DIP2A: variants seen among roughly 807,000 people sequenced by gnomAD.
The protein encoded by DIP2A is disco-interacting protein 2 homolog A.
Under a neutral mutation model 177.4 loss-of-function variants are expected in DIP2A, and 85 were observed. The ratio of observed to expected loss-of-function variants is 0.48; its 90% CI spans 0.40 to 0.57. DIP2A has a LOEUF of 0.57. Among genes scored for constraint, DIP2A ranks in the 20% least tolerant of loss-of-function variants. The probability of loss-of-function intolerance (pLI) is 0.00; values close to 1 mark genes in which losing one functional copy is unlikely to be tolerated. For missense variants in DIP2A, 1,791 were observed against 2,100.2 expected (o/e 0.85, Z 2.88); for synonymous variants, 886 against 881.8 (o/e 1.00, Z -0.08).
rs58546395 is a variant in DIP2A, at chr21:46,464,844, T to TTTTTTTTTTTCCC, written c.91+5622_91+5623insTTTTTTTTTTCCC. Among the ~76,000 whole-genome samples, 9 of 111,232 alleles carry TTTTTTTTTTTCCC rather than the reference T, an allele frequency of 8.1e-5. 1 individual carries two copies. Among genetic ancestry groups the TTTTTTTTTTTCCC allele is most frequent in the African/African-American group, 3.3e-4 (8 of 23,996 alleles). 73.0% of individuals were successfully genotyped at this position (111,232 alleles called of 152,430 possible). On this transcript the variant is annotated intron_variant, in intron 1 of 37. Coordinates refer to ENST00000417564, the MANE Select transcript of DIP2A (RefSeq NM_015151.4). The stretch of plus-strand genomic sequence containing the variant: ...TTTTTTTTTTTTTTTTTTTTTTTTT[T>TTTTTTTTTTTCCC]CAAGAAAACACACAACAAATGTCAG...
chr21:46,490,230 C>T (rs542999203), intron 2 of DIP2A, among the ~76,000 whole-genome samples: 2 of 152,290 alleles, frequency 1.3e-5, no homozygotes, highest in South Asian at 2.1e-4. Context: ...ACGAACAGCA[C>T]GGACCATTTC....
At chr21:46,514,642 G>GTTTTTTTTTTTTTTTTTTTTT (rs1159261551) in intron 8 of DIP2A, among the ~76,000 whole-genome samples, 3 of 67,786 alleles carry the variant, frequency 4.4e-5, no homozygotes, top group Non-Finnish European at 2.8e-5. Context: ...TTTTTTTTTG[G>GTTTTTTTTTTTTTTTTTTTTT]TTTTTTTTTT....
intron 26 of DIP2A, 38 bp downstream of exon 26, chr21:46,554,330 G>GTAAGCAGCCTCCTATCC (rs750847635): frequency 6.2e-7 from 1 of 1,610,186 alleles, no homozygotes; most frequent in South Asian, 1.1e-5. Context: ...GCAGCTCTTT[G>GTAAGCAGCCTCCTATCC]TAAGCAGCCT....
At chr21:46,508,636 G>T (rs1292541563) in intron 6 of DIP2A, among the ~76,000 whole-genome samples, 1 of 151,720 alleles carries the variant, frequency 6.6e-6, no homozygotes, top group Non-Finnish European at 1.5e-5. Flanking sequence ...GGGATTACAG[G>T]GCCATGACTT....
the DIP2A span, among the ~76,000 whole-genome samples, chr21:46,581,561 G>A: frequency 2.6e-5 from 4 of 152,140 alleles, no homozygotes; most frequent in East Asian, 7.7e-4. Context: ...TTTTTGCATT[G>A]ATTTTTTTCT....
intron 1 of DIP2A, among the ~76,000 whole-genome samples, chr21:46,482,166 T>A (rs1016466296): frequency 6.6e-6 from 1 of 152,076 alleles, no homozygotes; most frequent in African/African-American, 2.4e-5. Context: ...AGACACAAAT[T>A]ACCAGTCAGG....
intron 1 of DIP2A, among the ~76,000 whole-genome samples, chr21:46,459,559 C>G (rs1240734404): frequency 6.8e-6 from 1 of 147,634 alleles, no homozygotes; most frequent in African/African-American, 2.5e-5. Flanking sequence ...CCCCTCACCC[C>G]CGGAACCCCG....
intron 8 of DIP2A, among the ~76,000 whole-genome samples, chr21:46,528,693 A>T (rs948998984): frequency 4.0e-5 from 6 of 150,784 alleles, no homozygotes; most frequent in Non-Finnish European, 7.4e-5. Flanking sequence ...CACTGAGCTA[A>T]TTTTTTGTAT....
the DIP2A span, among the ~76,000 whole-genome samples, chr21:46,576,115 C>T: frequency 1.3e-5 from 2 of 152,040 alleles, no homozygotes; most frequent in African/African-American, 4.8e-5. Context: ...GCAAGTGACC[C>T]CCGATGGCAA....
intron 1 of DIP2A, among the ~76,000 whole-genome samples, chr21:46,460,950 T>C (rs1353232430): frequency 6.6e-6 from 1 of 151,670 alleles, no homozygotes; most frequent in Non-Finnish European, 1.5e-5. Flanking sequence ...TGCCTCGGCC[T>C]CCCAAAGTGC....
chr21:46,561,839 G>T (rs1406638250), intron 34 of DIP2A, 34 bp downstream of exon 34: 1 of 1,612,704 alleles, frequency 6.2e-7, no homozygotes, highest in Non-Finnish European at 8.5e-7. Flanking sequence ...ATTCTGAGTC[G>T]CGTCTGAGAC....
At chr21:46,462,253 T>C (rs1342812887) in intron 1 of DIP2A, among the ~76,000 whole-genome samples, 1 of 152,208 alleles carries the variant, frequency 6.6e-6, no homozygotes, top group Non-Finnish European at 1.5e-5. Flanking sequence ...TGCTGGCTTA[T>C]GTAGTTTATG....
chr21:46,508,353 CTTTTTTT>C (rs571637777), intron 6 of DIP2A, among the ~76,000 whole-genome samples: 4 of 90,504 alleles, frequency 4.4e-5, no homozygotes, highest in African/African-American at 1.3e-4. Flanking sequence ...TGGCCAATGA[CTTTTTTT>C]TTTTTTTTTT....
chr21:46,546,844 C>G, intron 20 of DIP2A, 71 bp from the exon 21 acceptor site: 1 of 1,571,340 alleles, frequency 6.4e-7, no homozygotes, highest in Non-Finnish European at 8.7e-7. Flanking sequence ...CTTGGGGGGC[C>G]TGACCATGGT....
chr21:46,491,667 T>TC (rs1291450373), intron 3 of DIP2A, among the ~76,000 whole-genome samples: 1 of 152,204 alleles, frequency 6.6e-6, no homozygotes, highest in African/African-American at 2.4e-5. Flanking sequence ...AGCACTGTTG[T>TC]CCTCATGCCT....
chr21:46,560,599 A>G (rs79534140), intron 32 of DIP2A, 123 bp from the exon 33 acceptor site: 97,588 of 1,351,290 alleles, frequency 0.072, 3,985 homozygotes, highest in Non-Finnish European at 0.083. Flanking sequence ...TGCAGGGAGC[A>G]GAGCTGCTAC....
Position 46,509,262 on chromosome 21 carries a change from C to T in DIP2A, c.790C>T (p.Pro264Ser), listed in dbSNP as rs1398539811. The T allele has an allele frequency of 1.2e-6, 2 of 1,612,458 alleles. No homozygotes were observed. The highest frequency in any genetic ancestry group is 3.4e-5 in the Admixed American group (2 of 59,612). ...CTCTGTCCTTCCCGTGACAGGTGTC[C>T]CTGTGAACAGCAGAGTGTCCTCCAA... is the stretch of plus-strand genomic sequence containing the variant. ...GSMLETADGVPVNSRVSSKIQ... is the reference protein window; with the variant it reads ...GSMLETADGVSVNSRVSSKIQ... Residue 264 changes from proline to serine, a missense_variant, in exon 7 of 38, where the codon CCT (proline) becomes TCT (serine). Coordinates refer to ENST00000417564, the MANE Select transcript of DIP2A (RefSeq NM_015151.4).
intron 35 of DIP2A, among the ~76,000 whole-genome samples, chr21:46,564,232 C>G (rs1015735747): frequency 1.3e-5 from 2 of 152,228 alleles, no homozygotes; most frequent in Non-Finnish European, 2.9e-5. Flanking sequence ...AAACAGCTAC[C>G]TTGTGCAGGA....
chr21:46,521,276 C>T (rs1313683309), intron 8 of DIP2A, among the ~76,000 whole-genome samples: 1 of 152,128 alleles, frequency 6.6e-6, no homozygotes, highest in Admixed American at 6.5e-5. Context: ...GCAACCTCCG[C>T]CTCCTGGGTT....
Sources: gnomAD v4.1 joint callset for allele counts (sites outside exome capture counted in the v4.1 genomes callset) on GRCh38, gnomAD v4.1.1 for gene constraint, MANE v1.5 for transcripts, NCBI Gene and HGNC (gene_info 2026-07-23, HGNC 2026-07-21) for gene names.